The following DNAH14 variants were observed in gnomAD, a reference collection of about 807,000 sequenced individuals.
The protein encoded by DNAH14 is axonemal beta dynein heavy chain 14.
Under a neutral mutation model 520.9 loss-of-function variants are expected in DNAH14, and 478 were observed. The observed-to-expected ratio is 0.92, with a 90% CI of 0.85 to 0.99. The LOEUF (loss-of-function observed/expected upper bound fraction) is 0.99. DNAH14 is among the 50% of genes least tolerant of loss of function. The pLI, the probability that DNAH14 is intolerant of heterozygous loss-of-function variation, is 0.00. For synonymous variants in DNAH14, 1,581 were observed against 1,757.2 expected, an observed-to-expected ratio of 0.90 and a Z score of 2.51; for missense variants, 4,831 against 5,234.5, an observed-to-expected ratio of 0.92 and a Z score of 2.38.
At chr1:225,096,428 A>T (rs1573035622) in intron 21 of DNAH14, among the ~76,000 whole-genome samples, 2 of 152,234 alleles carry the variant, frequency 1.3e-5, no homozygotes, top group East Asian at 3.8e-4. Flanking sequence ...ATGGTTCCCC[A>T]TGAGGAACCA....
chr1:224,956,751 G>A (rs1033495335), intron 3 of DNAH14, among the ~76,000 whole-genome samples: 6 of 152,196 alleles, frequency 3.9e-5, no homozygotes, highest in Admixed American at 3.9e-4. Context: ...ATTTCTGGAA[G>A]GGGCCTGAGC....
At chr1:225,324,111 C>T (rs538626873) in intron 62 of DNAH14, 111 bp from the exon 63 acceptor site, 452 of 1,363,972 alleles carry the variant, frequency 3.3e-4, no homozygotes, top group Non-Finnish European at 4.3e-4. Flanking sequence ...CCGCCGCCCC[C>T]GGCCTGAATA....
At chr1:225,386,452 A>G (rs192705329) in intron 81 of DNAH14, among the ~76,000 whole-genome samples, 15 of 152,352 alleles carry the variant, frequency 9.8e-5, no homozygotes, top group Non-Finnish European at 1.6e-4. Flanking sequence ...CAACCTACGG[A>G]ATGGGAGAAA....
At chr1:225,024,046 G>A (rs1411500501) in intron 11 of DNAH14, 181 bp downstream of exon 11, 37 of 1,259,704 alleles carry the variant, frequency 2.9e-5, no homozygotes, top group Non-Finnish European at 3.5e-5. Context: ...ACTTAATATC[G>A]GTGCTATAGG....
At chr1:225,275,094 T>C (rs1158164384) in intron 52 of DNAH14, among the ~76,000 whole-genome samples, 4 of 152,136 alleles carry the variant, frequency 2.6e-5, no homozygotes, top group African/African-American at 9.7e-5. Context: ...AGTTAAGTGG[T>C]GGAGTCATTA....
intron 8 of DNAH14, among the ~76,000 whole-genome samples, chr1:224,985,918 A>T (rs558019412): frequency 6.6e-6 from 1 of 152,086 alleles, no homozygotes; most frequent in East Asian, 1.9e-4. Context: ...AAATAGCCTC[A>T]AAAGGGTGAA....
chr1:225,226,977 C>CA (rs2090599082), intron 41 of DNAH14, among the ~76,000 whole-genome samples: 1 of 152,156 alleles, frequency 6.6e-6, no homozygotes, highest in Non-Finnish European at 1.5e-5. Context: ...CAGTAAAGAG[C>CA]AGTATTTCTG....
At chr1:225,359,108 G>A (rs1343217223) in intron 74 of DNAH14, among the ~76,000 whole-genome samples, 1 of 152,164 alleles carries the variant, frequency 6.6e-6, no homozygotes, top group African/African-American at 2.4e-5. Flanking sequence ...TAGGTTCTGT[G>A]TCAGATTATT....
At chr1:225,000,046 T>G (rs1038252034) in intron 8 of DNAH14, among the ~76,000 whole-genome samples, 1 of 152,198 alleles carries the variant, frequency 6.6e-6, no homozygotes, top group Non-Finnish European at 1.5e-5. Context: ...TGTTTGGTTG[T>G]TTGATTTCTG....
At chr1:225,205,908 A>T in intron 39 of DNAH14, 63 bp from the exon 40 acceptor site, 1 of 1,354,854 alleles carries the variant, frequency 7.4e-7, no homozygotes, top group Non-Finnish European at 1.0e-6. Context: ...GAAAATTAGC[A>T]AGATTGTAAT....
At chr1:225,169,733 G>A (rs2082405758) in intron 36 of DNAH14, among the ~76,000 whole-genome samples, 1 of 152,050 alleles carries the variant, frequency 6.6e-6, no homozygotes, top group Admixed American at 6.6e-5. Context: ...CCCAACCAAG[G>A]CAAGCCAACA....
intron 36 of DNAH14, among the ~76,000 whole-genome samples, chr1:225,178,480 G>A (rs1314096547): frequency 6.6e-6 from 1 of 152,116 alleles, no homozygotes; most frequent in Admixed American, 6.5e-5. Context: ...CCTCCTCTGG[G>A]TCCCTCCCGT....
At chr1:225,062,669 G>A (rs2148427922) in intron 17 of DNAH14, among the ~76,000 whole-genome samples, 1 of 152,284 alleles carries the variant, frequency 6.6e-6, no homozygotes, top group Middle Eastern at 3.4e-3. Context: ...ACAATCTTTT[G>A]AAATCACCAA....
At chr1:224,944,265 C>G (rs1453379850) in intron 1 of DNAH14, among the ~76,000 whole-genome samples, 1 of 152,130 alleles carries the variant, frequency 6.6e-6, no homozygotes, top group Non-Finnish European at 1.5e-5. Flanking sequence ...TTCTTTGTCT[C>G]TTTTGATCTT....
At chr1:225,060,143 C>T (rs2069820330) in intron 17 of DNAH14, among the ~76,000 whole-genome samples, 1 of 151,740 alleles carries the variant, frequency 6.6e-6, no homozygotes, top group African/African-American at 2.4e-5. Flanking sequence ...TTCCATTCTC[C>T]CTGTTACCAA....
chr1:224,995,830 C>T (rs2063354835), intron 8 of DNAH14, among the ~76,000 whole-genome samples: 1 of 151,936 alleles, frequency 6.6e-6, no homozygotes, highest in African/African-American at 2.4e-5. Context: ...GCTGTTGAAA[C>T]TCTCTATTGC....
At position 225,240,703 on chromosome 1, in the gene DNAH14, A is replaced by C. The variant is rs575130169; in HGVS notation, c.6629A>C (p.Glu2210Ala). The part of the protein sequence containing the change: ...TWAFGGALNR[E>A]DEHRENIPFC... ...GCATTTGGAGGAGCTTTAAACCGTG[A>C]AGATGAACACAGAGAAAATATACCA... The change falls in exon 43 of 86, where the codon GAA becomes GCA. Residue 2210 changes from glutamate to alanine, a missense_variant. Coordinates refer to ENST00000682510, the MANE Select transcript of DNAH14 (RefSeq NM_001367479.1). 1.3e-6 allele frequency: 2 copies of C among 1,551,038 alleles called. 1 individual carries two copies. Among genetic ancestry groups the C allele is most frequent in the Admixed American group, 3.9e-5 (2 of 50,978 alleles).
In DNAH14 at chr1:224,983,921, T is replaced by C. The variant is rs559952742; in HGVS notation, c.830+9768T>C. Among the ~76,000 whole-genome samples, 3 of 152,256 alleles carry C rather than the reference T, an allele frequency of 2.0e-5. No individual in the cohort carries two copies. The South Asian group carries it at 6.2e-4, about 32-fold the overall frequency. On this transcript the variant is annotated intron_variant, in intron 8 of 85. Coordinates refer to ENST00000682510, the MANE Select transcript of DNAH14 (RefSeq NM_001367479.1). ...CACAAACAAATGGAAACACATCCCA[T>C]GCTCATGGATGAGTAGAATCAATAT...
At position 225,051,651 on chromosome 1, in the gene DNAH14, G is replaced by A. The variant is rs1035660495; in HGVS notation, c.2280G>A (p.Met760Ile). 9.4e-5 allele frequency: 146 copies of A among 1,550,930 alleles called. No homozygotes were observed. The highest frequency in any genetic ancestry group is 1.2e-4 in the Non-Finnish European group (133 of 1,146,584). Residue 760 changes from methionine (M) to isoleucine (I), a missense_variant, in exon 17 of 86, where the codon ATG (methionine) becomes ATA (isoleucine). Transcript: ENST00000682510. ...ACTATTTTAGACATATTGTGAATATGGCCATTGAGAAGCGTATTGGTATTT... is the reference window on the plus strand; with the variant it reads ...ACTATTTTAGACATATTGTGAATATAGCCATTGAGAAGCGTATTGGTATTT... ...FRNYFRHIVN[M>I]AIEKRIGIFN...
Sources: allele counts gnomAD v4.1 joint callset (sites outside exome capture counted in the v4.1 genomes callset), GRCh38; gene constraint gnomAD v4.1.1; transcripts MANE v1.5; gene names NCBI Gene and HGNC (gene_info 2026-07-23, HGNC 2026-07-21).